Variants in DNAJC1 observed in about 807,000 individuals in gnomAD.
DNAJC1 encodes the protein DnaJ heat shock protein family (Hsp40) member C1, also known as dnaJ homolog subfamily C member 1.
DNAJC1 carries 58 observed loss-of-function variants against 76.6 expected under a neutral mutation model. That is an observed-to-expected ratio of 0.76 (90% CI 0.61 to 0.94). The LOEUF is 0.94. DNAJC1 is among the 40% of genes least tolerant of loss of function. DNAJC1 has a pLI of 0.00. For synonymous variants in DNAJC1, 258 were observed against 267.9 expected (o/e 0.96, Z 0.36); for missense variants, 689 against 677.3 (o/e 1.02, Z -0.19).
intron 3 of DNAJC1, 112 bp from the exon 4 acceptor site, chr10:21,921,075 AAT>A (rs1283981225): frequency 5.8e-5 from 54 of 930,476 alleles, no homozygotes; most frequent in Admixed American, 1.5e-4. Context: ...CAAAATAGAT[AAT>A]GTTTATGTAC....
At chr10:21,760,221 T>A (rs1834225595) in intron 10 of DNAJC1, among the ~76,000 whole-genome samples, 2 of 152,202 alleles carry the variant, frequency 1.3e-5, no homozygotes, top group Admixed American at 6.5e-5. Flanking sequence ...AGTTTGAGGC[T>A]GCAGTCAGCT....
At chr10:21,912,787 C>T (rs187306450) in intron 6 of DNAJC1, among the ~76,000 whole-genome samples, 5 of 151,790 alleles carry the variant, frequency 3.3e-5, no homozygotes, top group Admixed American at 3.3e-4. Context: ...TGTGAATGTT[C>T]TGTTTGTTTG....
At chr10:21,790,408 C>A (rs1325045182) in intron 9 of DNAJC1, among the ~76,000 whole-genome samples, 1 of 149,912 alleles carries the variant, frequency 6.7e-6, no homozygotes, top group Non-Finnish European at 1.5e-5. Flanking sequence ...CTAAAAATGG[C>A]AAGAGAAAAA....
chr10:21,792,736 G>GCAAC (rs1564789252), intron 9 of DNAJC1, among the ~76,000 whole-genome samples: 21 of 147,734 alleles, frequency 1.4e-4, no homozygotes, highest in African/African-American at 4.6e-4. Flanking sequence ...TCCAGCCTGG[G>GCAAC]TGACAGAGTG....
intron 1 of DNAJC1, among the ~76,000 whole-genome samples, chr10:21,989,009 G>A (rs958457649): frequency 3.9e-5 from 6 of 152,050 alleles, no homozygotes; most frequent in African/African-American, 7.2e-5. Context: ...TCAAAACCTC[G>A]TGGGATTTGA....
intron 9 of DNAJC1, among the ~76,000 whole-genome samples, chr10:21,780,271 G>C (rs544387653): frequency 1.6e-4 from 24 of 152,216 alleles, no homozygotes; most frequent in Admixed American, 2.6e-4. Flanking sequence ...CTTGAGAAGA[G>C]CAACTCCAAG....
At chr10:21,773,163 CT>C in intron 9 of DNAJC1, among the ~76,000 whole-genome samples, 1 of 152,250 alleles carries the variant, frequency 6.6e-6, no homozygotes, top group South Asian at 2.1e-4. Context: ...TTGTTATTTT[CT>C]TTTTTCTGTG....
Position 21,910,960 on chromosome 10 carries a change from GAA to G in DNAJC1, c.730-6350_730-6349del, listed in dbSNP as rs1346657385. 2.1e-5 allele frequency among the ~76,000 whole-genome samples: 3 copies of G among 144,424 alleles called. No individual in the cohort carries two copies. In the East Asian group the frequency reaches 6.3e-4, roughly 30 times the overall value. The allele number at this position is 144,424 out of a possible 152,430, so 94.7% of individuals were successfully genotyped here. ...GAGAAAGAGACAAAGAAGAGAGAGA[GAA>G]AGAAAGAGGGGGGGAAGAGAGAAAG... On this transcript the variant is annotated intron_variant, in intron 6 of 11. Transcript: ENST00000376980.
chr10:21,826,810 T>C (rs1564799378), intron 8 of DNAJC1, among the ~76,000 whole-genome samples: 1 of 152,242 alleles, frequency 6.6e-6, no homozygotes, highest in Non-Finnish European at 1.5e-5. Flanking sequence ...TGTTTGACCA[T>C]ATATGCAAGG....
At chr10:21,952,547 G>A (rs112772549) in intron 1 of DNAJC1, among the ~76,000 whole-genome samples, 1,902 of 152,124 alleles carry the variant, frequency 0.013, 38 homozygotes, top group African/African-American at 0.043. Flanking sequence ...ACCTGGGGTC[G>A]GGAGTTCGTG....
intron 8 of DNAJC1, among the ~76,000 whole-genome samples, chr10:21,881,725 T>G (rs1266231089): frequency 6.6e-6 from 1 of 151,076 alleles, no homozygotes; most frequent in Non-Finnish European, 1.5e-5. Flanking sequence ...TAATGAAAAG[T>G]TTGAAATACC....
At chr10:21,954,735 G>A (rs1414369055) in intron 1 of DNAJC1, among the ~76,000 whole-genome samples, 1 of 151,986 alleles carries the variant, frequency 6.6e-6, no homozygotes, top group African/African-American at 2.4e-5. Context: ...CTATGTACCA[G>A]GTACAAATCT....
At chr10:21,992,238 G>A (rs941299877) in intron 1 of DNAJC1, among the ~76,000 whole-genome samples, 2 of 152,228 alleles carry the variant, frequency 1.3e-5, no homozygotes, top group African/African-American at 2.4e-5. Context: ...TTGAATCCGG[G>A]AGGCGGAGGT....
intron 7 of DNAJC1, among the ~76,000 whole-genome samples, chr10:21,890,990 A>G (rs1166613082): frequency 1.3e-5 from 2 of 152,168 alleles, no homozygotes; most frequent in Non-Finnish European, 2.9e-5. Flanking sequence ...CAGGAGTTCG[A>G]GTCCAGCCTG....
intron 1 of DNAJC1, among the ~76,000 whole-genome samples, chr10:22,001,581 G>A (rs1162039766): frequency 6.6e-6 from 1 of 152,112 alleles, no homozygotes; most frequent in Non-Finnish European, 1.5e-5. Flanking sequence ...TGTTCACACT[G>A]CCTAATTAAC....
At chr10:21,891,476 C>CAAA (rs369729722) in intron 7 of DNAJC1, among the ~76,000 whole-genome samples, 24 of 38,860 alleles carry the variant, frequency 6.2e-4, no homozygotes, top group Non-Finnish European at 8.2e-4. Context: ...ACAAAGTAGA[C>CAAA]AAAAAAAAAA....
At chr10:21,985,760 ATTC>A (rs1194604527) in intron 1 of DNAJC1, among the ~76,000 whole-genome samples, 5 of 152,308 alleles carry the variant, frequency 3.3e-5, no homozygotes, top group African/African-American at 1.2e-4. Context: ...TTGTTCATCC[ATTC>A]AAGGGTGGCT....
chr10:21,779,968 T>C (rs1054537794), intron 9 of DNAJC1, among the ~76,000 whole-genome samples: 15 of 151,966 alleles, frequency 9.9e-5, no homozygotes, highest in Non-Finnish European at 1.9e-4. Flanking sequence ...CAGTAGCCGA[T>C]TGGATCAACC....
chr10:21,891,780 G>A (rs1009778119), intron 7 of DNAJC1, among the ~76,000 whole-genome samples: 6 of 152,062 alleles, frequency 3.9e-5, no homozygotes, highest in South Asian at 2.1e-4. Context: ...AAAATAATTC[G>A]TCACCAGTGG....
Sources: allele counts gnomAD v4.1 joint callset (sites outside exome capture counted in the v4.1 genomes callset), GRCh38; gene constraint gnomAD v4.1.1; transcripts MANE v1.5; gene names NCBI Gene and HGNC (gene_info 2026-07-23, HGNC 2026-07-21).